Variants in PELI1 observed in about 807,000 individuals in gnomAD.
PELI1 encodes E3 ubiquitin-protein ligase pellino homolog 1.
PELI1 carries 15 observed loss-of-function variants against 41.3 expected under a neutral mutation model. That is an observed-to-expected ratio of 0.36 (90% confidence interval 0.24 to 0.56). The LOEUF (loss-of-function observed/expected upper bound fraction) is 0.56, where lower values mean the gene tolerates loss of function less well. Ranked by LOEUF, PELI1 falls within the 20% of genes least tolerant of loss-of-function variation. The pLI is 0.82. For synonymous variants in PELI1, 178 were observed against 180.1 expected (o/e 0.99, Z 0.09); for missense variants, 403 against 525.5 (o/e 0.77, Z 2.28).
intron 1 of PELI1, among the ~76,000 whole-genome samples, chr2:64,126,159 G>A (rs1347682189): frequency 6.6e-6 from 1 of 151,890 alleles, no homozygotes; most frequent in Non-Finnish European, 1.5e-5. Flanking sequence ...TAAACCAAGG[G>A]CTGTGGTCTC....
intron 1 of PELI1, among the ~76,000 whole-genome samples, chr2:64,109,512 C>G (rs1199514511): frequency 1.3e-5 from 2 of 151,938 alleles, no homozygotes; most frequent in Non-Finnish European, 2.9e-5. Context: ...TAAACCTGGT[C>G]TCTACTAAAA....
chr2:64,110,567 A>G (rs2103695193), intron 1 of PELI1, among the ~76,000 whole-genome samples: 1 of 152,348 alleles, frequency 6.6e-6, no homozygotes, highest in South Asian at 2.1e-4. Context: ...TAGCAAAAAT[A>G]TGAGTAAATA....
intron 1 of PELI1, among the ~76,000 whole-genome samples, chr2:64,113,321 G>T (rs1417675215): frequency 6.6e-6 from 1 of 151,138 alleles, no homozygotes; most frequent in African/African-American, 2.4e-5. Context: ...AAAAATTCCT[G>T]AAGTCATGTA....
In PELI1 at chr2:64,096,127, T is replaced by C; in HGVS notation, c.688A>G (p.Met230Val). 6.2e-7 allele frequency: 1 copy of C among 1,607,510 alleles called. No individual in the cohort carries two copies. The highest frequency in any genetic ancestry group is 8.5e-7 in the Non-Finnish European group (1 of 1,174,806). Residue 230 changes from methionine (M) to valine (V), a missense_variant and splice_region_variant, in exon 6 of 7, where the codon ATG becomes GTG. Transcript: ENST00000358912. ...ETRSAQQRGK[M>V]VEIETNQLQD... ...AGAAAATACCATTCAGTATTTACCA[T>C]TTTTCCTCTCTGCTGAGCCGATCTG...
intron 1 of PELI1, among the ~76,000 whole-genome samples, chr2:64,120,365 C>A (rs1313689687): frequency 6.6e-6 from 1 of 152,122 alleles, no homozygotes; most frequent in Non-Finnish European, 1.5e-5. Context: ...TAGCCAAAGG[C>A]GAACCTGATT....
In PELI1 at chr2:64,100,410, G is replaced by A. The variant is rs329498; in HGVS notation, c.291C>T (p.Thr97=). 8.8e-6 allele frequency: 13 copies of A among 1,484,088 alleles called. No homozygotes were observed. The highest frequency in any genetic ancestry group is 5.5e-5 in the African/African-American group (4 of 73,136). The allele number at this position is 1,484,088 out of a possible 1,614,324, so 91.9% of individuals were successfully genotyped here. ...VVVEYTHDSN[T]DMFQIGRSTE... Reference sequence around the variant, plus strand: ...GATGTTGTAATACCTGAAACATATCGGTGTTGCTGTCATGAGTATATTCAA... The same window carrying A: ...GATGTTGTAATACCTGAAACATATCAGTGTTGCTGTCATGAGTATATTCAA... Residue 97 remains threonine, a synonymous_variant, in exon 4 of 7, where the codon ACC becomes ACT. Coordinates refer to ENST00000358912, the MANE Select transcript of PELI1 (RefSeq NM_020651.4).
Position 64,096,614 on chromosome 2 carries a change from A to T in PELI1, c.304-4T>A, listed in dbSNP as rs760595521. ...GGCTTTCAGTCGACCGGCCAATCTG[A>T]GGGAAAAAAAAAAATACCTATAAAC... On this transcript the variant is annotated splice_polypyrimidine_tract_variant and splice_region_variant and intron_variant, in intron 4 of 6. Transcript: ENST00000358912. The T allele has an allele frequency of 6.3e-7, 1 of 1,595,316 alleles. No homozygotes were observed. Among genetic ancestry groups the T allele is most frequent in the South Asian group, 1.1e-5 (1 of 90,252 alleles).
At chr2:64,128,144 G>A (rs534387145) in intron 1 of PELI1, among the ~76,000 whole-genome samples, 1 of 152,292 alleles carries the variant, frequency 6.6e-6, no homozygotes, top group African/African-American at 2.4e-5. Flanking sequence ...GTAAGGAGCA[G>A]TGGTATAGTT....
intron 1 of PELI1, among the ~76,000 whole-genome samples, chr2:64,142,464 T>G (rs1681943251): frequency 6.6e-6 from 1 of 152,288 alleles, no homozygotes; most frequent in East Asian, 1.9e-4. Context: ...AGGAAAGAGC[T>G]AGTAGAAGTG....
At chr2:64,141,615 A>G (rs1469640341) in intron 1 of PELI1, among the ~76,000 whole-genome samples, 1 of 152,232 alleles carries the variant, frequency 6.6e-6, no homozygotes, top group African/African-American at 2.4e-5. Flanking sequence ...CTAGAAAACC[A>G]TAATACATCA....
chr2:64,092,822 T>C lies in PELI1; in HGVS notation c.*1880A>G, dbSNP rs1479297322. On this transcript the variant is annotated 3_prime_UTR_variant, in exon 7 of 7. Transcript: ENST00000358912. ...TTCACTTCTGGTTTCTCATTCTCGA[T>C]TATGCAAAAATGAACTCACAGAGAC... The C allele has an allele frequency of 2.6e-5, 4 of 152,228 alleles. No individual in the cohort carries two copies. The highest frequency in any genetic ancestry group is 2.0e-4 in the Admixed American group (3 of 15,274). The allele number at this position is 152,228 out of a possible 1,614,324, so 9.4% of individuals were successfully genotyped here.
At chr2:64,108,613 T>C (rs1261384310) in intron 1 of PELI1, among the ~76,000 whole-genome samples, 3 of 152,218 alleles carry the variant, frequency 2.0e-5, no homozygotes, top group Non-Finnish European at 4.4e-5. Flanking sequence ...GACATACTTT[T>C]CCCTTTTATT....
chr2:64,143,815 G>A (rs914766218), intron 1 of PELI1, among the ~76,000 whole-genome samples: 3 of 151,834 alleles, frequency 2.0e-5, no homozygotes, highest in African/African-American at 4.8e-5. Flanking sequence ...CGCGGGGCTC[G>A]GAGTTGGCCG....
At chr2:64,115,192 G>A (rs961308682) in intron 1 of PELI1, among the ~76,000 whole-genome samples, 6 of 152,176 alleles carry the variant, frequency 3.9e-5, no homozygotes, top group South Asian at 4.1e-4. Context: ...GAAGGAAAGC[G>A]ACTAGAGCTG....
intron 1 of PELI1, among the ~76,000 whole-genome samples, chr2:64,140,577 GATGTTT>G (rs1475977568): frequency 1.1e-4 from 16 of 151,772 alleles, no homozygotes; most frequent in African/African-American, 2.4e-4. Flanking sequence ...ACTCCAATCA[GATGTTT>G]ATGTTTTGAT....
At chr2:64,131,506 T>G (rs1274220125) in intron 1 of PELI1, among the ~76,000 whole-genome samples, 1 of 152,134 alleles carries the variant, frequency 6.6e-6, no homozygotes, top group African/African-American at 2.4e-5. Context: ...CATGCTTGGT[T>G]CAATCCTCAG....
intron 1 of PELI1, among the ~76,000 whole-genome samples, chr2:64,125,145 C>T (rs1309253465): frequency 6.6e-6 from 1 of 152,112 alleles, no homozygotes; most frequent in Non-Finnish European, 1.5e-5. Flanking sequence ...TCCAGGAATG[C>T]CACCCTCCCA....
chr2:64,110,988 C>T (rs1185378498), intron 1 of PELI1, among the ~76,000 whole-genome samples: 2 of 151,806 alleles, frequency 1.3e-5, no homozygotes, highest in Non-Finnish European at 2.9e-5. Context: ...TTCTGATCAG[C>T]CGGAAAATCA....
intron 1 of PELI1, among the ~76,000 whole-genome samples, chr2:64,134,338 C>G (rs1681649730): frequency 6.6e-6 from 1 of 152,134 alleles, no homozygotes; most frequent in East Asian, 1.9e-4. Context: ...AATGTCTGCT[C>G]TCAATGAAGT....
Sources: allele counts gnomAD v4.1 joint callset (sites outside exome capture counted in the v4.1 genomes callset), GRCh38; gene constraint gnomAD v4.1.1; transcripts MANE v1.5; gene names NCBI Gene and HGNC (gene_info 2026-07-23, HGNC 2026-07-21).